The following NRG3 variants were observed in gnomAD, a reference collection of about 807,000 sequenced individuals.
NRG3 encodes the protein pro-neuregulin-3, membrane-bound isoform.
NRG3 carries 31 observed loss-of-function variants against 66.9 expected under a neutral mutation model. That is an observed-to-expected ratio of 0.46 (90% CI 0.35 to 0.63). The LOEUF is 0.63. NRG3 is among the 20% of genes least tolerant of loss of function. NRG3 has a pLI of 0.00. For missense variants in NRG3, 910 were observed against 878.9 expected (o/e 1.04, Z -0.45); for synonymous variants, 393 against 359.4 (o/e 1.09, Z -1.06).
chr10:82,547,446 A>T (rs1032251586), intron 2 of NRG3, among the ~76,000 whole-genome samples: 3 of 150,630 alleles, frequency 2.0e-5, no homozygotes, highest in Non-Finnish European at 4.4e-5. Flanking sequence ...TTCCATGTAT[A>T]GTGTGTATAT....
chr10:82,699,534 C>T (rs1412114782), intron 2 of NRG3, among the ~76,000 whole-genome samples: 1 of 152,042 alleles, frequency 6.6e-6, no homozygotes, highest in Non-Finnish European at 1.5e-5. Context: ...TTCCTCCCTT[C>T]TAAACTATTG....
intron 2 of NRG3, among the ~76,000 whole-genome samples, chr10:82,434,689 C>G (rs117557962): frequency 0.014 from 2,185 of 152,198 alleles, 26 homozygotes; most frequent in Non-Finnish European, 0.021. Context: ...GCTTTTTCTG[C>G]ATCTATTGAA....
chr10:82,777,251 G>T (rs2059945145), intron 3 of NRG3, among the ~76,000 whole-genome samples: 1 of 152,094 alleles, frequency 6.6e-6, no homozygotes, highest in African/African-American at 2.4e-5. Flanking sequence ...CAGCGTAGTG[G>T]CAGGGTAAGT....
At chr10:82,803,472 C>T (rs772542773) in intron 3 of NRG3, among the ~76,000 whole-genome samples, 4 of 152,134 alleles carry the variant, frequency 2.6e-5, no homozygotes, top group Non-Finnish European at 5.9e-5. Flanking sequence ...CTGAAGGGCA[C>T]ATTTAAAAAA....
chr10:82,086,116 CA>C (rs386361937), intron 1 of NRG3, among the ~76,000 whole-genome samples: 6 of 151,114 alleles, frequency 4.0e-5, no homozygotes, highest in Middle Eastern at 3.4e-3. Context: ...TATGGAATCA[CA>C]AAAAAAAATC....
intron 1 of NRG3, among the ~76,000 whole-genome samples, chr10:81,994,802 A>G (rs2060873344): frequency 6.6e-6 from 1 of 152,080 alleles, no homozygotes; most frequent in Non-Finnish European, 1.5e-5. Context: ...ATTTTTGGAT[A>G]CTTGTAGAAT....
intron 1 of NRG3, among the ~76,000 whole-genome samples, chr10:81,996,763 C>CTG (rs948297591): frequency 1.3e-5 from 2 of 151,842 alleles, no homozygotes; most frequent in African/African-American, 4.8e-5. Context: ...ATGTGAATTG[C>CTG]TGTGTGGGTG....
intron 2 of NRG3, among the ~76,000 whole-genome samples, chr10:82,430,827 A>T (rs1394761591): frequency 6.6e-6 from 1 of 152,186 alleles, no homozygotes; most frequent in African/African-American, 2.4e-5. Context: ...GTTTCCGACC[A>T]TCTGCCAATG....
chr10:82,312,718 G>T (rs926483692), intron 1 of NRG3, among the ~76,000 whole-genome samples: 9 of 152,036 alleles, frequency 5.9e-5, no homozygotes, highest in African/African-American at 2.2e-4. Flanking sequence ...AAGAAAAATT[G>T]TAGTAAAAAA....
intron 4 of NRG3, among the ~76,000 whole-genome samples, chr10:82,899,641 G>T (rs1305267473): frequency 6.6e-6 from 1 of 152,110 alleles, no homozygotes; most frequent in Admixed American, 6.5e-5. Context: ...AAATATAATC[G>T]TTTAGGAACT....
chr10:82,172,507 A>G (rs2133115415), intron 1 of NRG3, among the ~76,000 whole-genome samples: 1 of 152,248 alleles, frequency 6.6e-6, no homozygotes, highest in Admixed American at 6.5e-5. Context: ...TGGAGAATAG[A>G]ACAAGAAATC....
intron 4 of NRG3, among the ~76,000 whole-genome samples, chr10:82,878,951 G>A (rs1842062487): frequency 1.3e-5 from 2 of 152,086 alleles, no homozygotes; most frequent in Admixed American, 6.6e-5. Flanking sequence ...CCTTTGTCCT[G>A]CCTTTCCCTC....
At chr10:82,124,322 T>C (rs2068287279) in intron 1 of NRG3, among the ~76,000 whole-genome samples, 2 of 152,080 alleles carry the variant, frequency 1.3e-5, no homozygotes, top group South Asian at 4.1e-4. Flanking sequence ...AATAGGGCTG[T>C]AGTAATTATT....
Position 82,663,148 on chromosome 10 carries a change from A to T in NRG3, c.954-75429A>T, listed in dbSNP as rs141051187. ...CAAAAAGGTATAATTATTCCCATTG[A>T]AAACTGAGTCTCAAAGAGATAAATG... On this transcript the variant is annotated intron_variant, in intron 2 of 8. Coordinates refer to ENST00000372141, the MANE Select transcript of NRG3 (RefSeq NM_001010848.4). Among the ~76,000 whole-genome samples, 91 of 152,310 alleles carry T rather than the reference A, an allele frequency of 6.0e-4. 1 individual carries two copies. The East Asian group carries it at 0.012, about 21-fold the overall frequency.
At chr10:82,723,128 A>G (rs542110233) in intron 2 of NRG3, among the ~76,000 whole-genome samples, 2 of 152,336 alleles carry the variant, frequency 1.3e-5, no homozygotes, top group South Asian at 2.1e-4. Flanking sequence ...ATCATGGAAT[A>G]CTACACAGCC....
chr10:82,403,286 G>A (rs1296397199), intron 2 of NRG3, among the ~76,000 whole-genome samples: 1 of 152,106 alleles, frequency 6.6e-6, no homozygotes, highest in Non-Finnish European at 1.5e-5. Context: ...TTCGGGAATA[G>A]GGTCCAGATT....
intron 2 of NRG3, among the ~76,000 whole-genome samples, chr10:82,472,786 T>A (rs535499758): frequency 3.9e-4 from 59 of 152,372 alleles, no homozygotes; most frequent in African/African-American, 1.4e-3. Context: ...AAGAGACTCA[T>A]CTACTAAGTG....
chr10:82,793,807 A>C (rs920976538), intron 3 of NRG3, among the ~76,000 whole-genome samples: 2 of 152,186 alleles, frequency 1.3e-5, no homozygotes, highest in Non-Finnish European at 2.9e-5. Context: ...ACAAGGCATC[A>C]TATCATTTTT....
At chr10:82,257,980 G>C (rs2077822029) in intron 1 of NRG3, among the ~76,000 whole-genome samples, 1 of 152,052 alleles carries the variant, frequency 6.6e-6, no homozygotes, top group African/African-American at 2.4e-5. Flanking sequence ...TCTGCATCTT[G>C]CATAAGTCTC....
Sources: allele counts gnomAD v4.1 joint callset (sites outside exome capture counted in the v4.1 genomes callset), GRCh38; gene constraint gnomAD v4.1.1; transcripts MANE v1.5; gene names NCBI Gene and HGNC (gene_info 2026-07-23, HGNC 2026-07-21).